The following SLAIN1 variants were observed in gnomAD, a reference collection of about 807,000 sequenced individuals.
SLAIN1 encodes the protein SLAIN motif-containing protein 1.
In SLAIN1, 17 loss-of-function variants were observed where a neutral mutation model predicts 55.4. The observed-to-expected ratio is 0.31, with a 90% CI of 0.21 to 0.46. The LOEUF is 0.46. SLAIN1 is among the 20% of genes least tolerant of loss of function. The pLI is 1.00. For missense variants in SLAIN1, 682 were observed against 785.1 expected, an observed-to-expected ratio of 0.87 and a Z score of 1.57; for synonymous variants, 348 against 337.4, an observed-to-expected ratio of 1.03 and a Z score of -0.35.
intron 2 of SLAIN1, among the ~76,000 whole-genome samples, chr13:77,736,134 A>G (rs2154410142): frequency 6.6e-6 from 1 of 152,204 alleles, no homozygotes; most frequent in South Asian, 2.1e-4. Context: ...TGACCCAGGC[A>G]GTCACTTTCA....
chr13:77,760,935 GGCA>G lies in SLAIN1; in HGVS notation c.1527_1529del (p.Ser510del). On this transcript the variant is annotated inframe_deletion, in exon 6 of 7. Transcript: ENST00000418532. ...AGCCTATGTGAGTCCAACCGTTCAA[GGCA>G]GCAGTAACATGCCTTTATCAAACGG... is the stretch of plus-strand genomic sequence containing the variant. 1 of 1,614,150 alleles carries G rather than the reference GGCA, an allele frequency of 6.2e-7. No individual in the cohort carries two copies. The highest frequency in any genetic ancestry group is 8.5e-7 in the Non-Finnish European group (1 of 1,180,024).
At chr13:77,758,623 C>T (rs773159089) in intron 5 of SLAIN1, among the ~76,000 whole-genome samples, 155 of 152,190 alleles carry the variant, frequency 1.0e-3, no homozygotes, top group Middle Eastern at 6.8e-3. Context: ...GGTAGGTATT[C>T]AGTTTCATTC....
chr13:77,744,830 T>G (rs112336562), intron 3 of SLAIN1, among the ~76,000 whole-genome samples: 8,409 of 152,180 alleles, frequency 0.055, 311 homozygotes, highest in South Asian at 0.11. Context: ...GGAATTAGCT[T>G]AGAAGGCCTT....
rs1412348673 is a variant in SLAIN1 at position 77,698,802 on chromosome 13, C to G, written c.626+263C>G. 2.2e-6 allele frequency: 3 copies of G among 1,371,670 alleles called. No homozygotes were observed. Among genetic ancestry groups the G allele is most frequent in the Non-Finnish European group, 2.9e-6 (3 of 1,031,148 alleles). 85.0% of individuals were successfully genotyped at this position (1,371,670 alleles called of 1,614,324 possible). A position where few individuals can be genotyped will look rare whatever the true frequency, so the allele number is the denominator to read the frequency against. On this transcript the variant is annotated intron_variant, in intron 1 of 6. Coordinates refer to ENST00000418532, the MANE Select transcript of SLAIN1 (RefSeq NM_001242868.2). The surrounding 1 kb of genome is among the most constrained non-coding windows in gnomAD (Gnocchi z 4.1). ...CCCTTCCCCCCATCTGCCATGGGTT[C>G]TGCTATTTGCTGATTGTTGGGTCCC...
chr13:77,702,351 C>G (rs2091039675), intron 1 of SLAIN1, among the ~76,000 whole-genome samples: 1 of 152,122 alleles, frequency 6.6e-6, no homozygotes, highest in South Asian at 2.1e-4. Flanking sequence ...GTCTGAGTAT[C>G]AGGAGCAAAT....
intron 6 of SLAIN1, among the ~76,000 whole-genome samples, chr13:77,761,981 A>AT (rs2154411137): frequency 6.6e-6 from 1 of 152,060 alleles, no homozygotes; most frequent in Admixed American, 6.5e-5. Flanking sequence ...GGAACAAGCA[A>AT]TTTTTTTCTG....
At chr13:77,749,467 G>A (rs1383452495) in intron 4 of SLAIN1, among the ~76,000 whole-genome samples, 1 of 152,104 alleles carries the variant, frequency 6.6e-6, no homozygotes, top group Non-Finnish European at 1.5e-5. Context: ...TGTGTTGCCT[G>A]GATGCCTAGA....
intron 1 of SLAIN1, among the ~76,000 whole-genome samples, chr13:77,715,680 G>A (rs186384785): frequency 4.1e-4 from 62 of 152,228 alleles, no homozygotes; most frequent in African/African-American, 1.4e-3. Context: ...TTTTTCTAAT[G>A]ATTAATGATG....
At position 77,719,595 on chromosome 13, in the gene SLAIN1, G is replaced by C. The variant is rs1258476850; in HGVS notation, c.690G>C (p.Trp230Cys). 6.2e-7 allele frequency: 1 copy of C among 1,613,464 alleles called. No homozygotes were observed. Among genetic ancestry groups the C allele is most frequent in the Admixed American group, 1.7e-5 (1 of 59,954 alleles). The change falls in exon 2 of 7, where the codon TGG becomes TGC. Residue 230 changes from tryptophan to cysteine, a missense_variant. Coordinates refer to ENST00000418532, the MANE Select transcript of SLAIN1 (RefSeq NM_001242868.2). ...SSEKSLTPLQ[W>C]CRHVLDNPTP... ...AGAAATCCCTGACTCCTTTGCAGTG[G>C]TGTAGACATGTCCTAGATAACCCAA...
Position 77,698,815 on chromosome 13 carries a change from A to T in SLAIN1, c.626+276A>T. 1 of 1,423,486 alleles carries T rather than the reference A, an allele frequency of 7.0e-7. No homozygotes were observed. Among genetic ancestry groups the T allele is most frequent in the Non-Finnish European group, 9.3e-7 (1 of 1,074,102 alleles). The allele number at this position is 1,423,486 out of a possible 1,614,324, so 88.2% of individuals were successfully genotyped here. On this transcript the variant is annotated intron_variant, in intron 1 of 6. Transcript: ENST00000418532. The surrounding 1 kb of genome is among the most constrained non-coding windows in gnomAD (Gnocchi z 4.1). ...CTGCCATGGGTTCTGCTATTTGCTG[A>T]TTGTTGGGTCCCAAGCTCCTCGTTA...
chr13:77,742,927 T>A, intron 2 of SLAIN1: 1 of 827,786 alleles, frequency 1.2e-6, no homozygotes, highest in Non-Finnish European at 1.5e-6. Context: ...GTCTTTTTTT[T>A]TTTTTTTATT....
intron 1 of SLAIN1, among the ~76,000 whole-genome samples, chr13:77,701,553 T>C (rs911188817): frequency 6.6e-6 from 1 of 152,144 alleles, no homozygotes; most frequent in Non-Finnish European, 1.5e-5. Flanking sequence ...TGGAGTGTTA[T>C]GCTCTCCCTT....
intron 1 of SLAIN1, among the ~76,000 whole-genome samples, chr13:77,714,732 G>A (rs560546232): frequency 1.3e-5 from 2 of 152,250 alleles, no homozygotes; most frequent in African/African-American, 4.8e-5. Flanking sequence ...CAATTTGATA[G>A]ACTTTAACAT....
chr13:77,751,608 C>T (rs890138838), intron 4 of SLAIN1, among the ~76,000 whole-genome samples: 1 of 152,206 alleles, frequency 6.6e-6, no homozygotes, highest in South Asian at 2.1e-4. Context: ...AGGGACCAGC[C>T]TGCTCACAGG....
rs758589382 is a variant in SLAIN1, at chr13:77,746,506, T to C, written c.917-8T>C. 6 of 1,588,866 alleles carry C rather than the reference T, an allele frequency of 3.8e-6. No homozygotes were observed. Among genetic ancestry groups the C allele is most frequent in the Non-Finnish European group, 4.3e-6 (5 of 1,163,826 alleles). ...AAATACATTAGAGTACTATTTGTTA[T>C]TTTATAGGTCTCAGGCAAGATTATG... On this transcript the variant is annotated splice_region_variant and splice_polypyrimidine_tract_variant and intron_variant, in intron 3 of 6. Transcript: ENST00000418532.
At position 77,698,086 on chromosome 13, in the gene SLAIN1, A is replaced by G; in HGVS notation, c.173A>G (p.His58Arg). ...SRAASAAAAP[H>R]LLLLPPPPPA... ...GCGGCCAGCGCGGCCGCCGCCCCGCACCTGCTGCTGCTGCCGCCGCCGCCG... is the reference window on the plus strand; with the variant it reads ...GCGGCCAGCGCGGCCGCCGCCCCGCGCCTGCTGCTGCTGCCGCCGCCGCCG... Residue 58 changes from histidine to arginine, a missense_variant, in exon 1 of 7, where the codon CAC becomes CGC. His to Arg is a conservative substitution (Grantham distance 29). Transcript: ENST00000418532. The surrounding 1 kb of genome is among the most constrained non-coding windows in gnomAD (Gnocchi z 4.1). 1.6e-6 allele frequency: 2 copies of G among 1,230,322 alleles called. No individual in the cohort carries two copies. Among genetic ancestry groups the G allele is most frequent in the Non-Finnish European group, 2.0e-6 (2 of 978,516 alleles). 76.2% of individuals were successfully genotyped at this position (1,230,322 alleles called of 1,614,324 possible).
At chr13:77,702,375 G>C (rs1226446635) in intron 1 of SLAIN1, among the ~76,000 whole-genome samples, 3 of 152,016 alleles carry the variant, frequency 2.0e-5, no homozygotes, top group African/African-American at 7.2e-5. Context: ...AAGCTCAAAG[G>C]GACTAAAATA....
At chr13:77,702,609 G>T (rs1169180404) in intron 1 of SLAIN1, among the ~76,000 whole-genome samples, 1 of 151,960 alleles carries the variant, frequency 6.6e-6, no homozygotes, top group East Asian at 1.9e-4. Flanking sequence ...GTTGAGGGAC[G>T]GGAGCTCTGA....
intron 2 of SLAIN1, among the ~76,000 whole-genome samples, chr13:77,737,925 A>G (rs571184773): frequency 6.6e-6 from 1 of 152,196 alleles, no homozygotes; most frequent in South Asian, 2.1e-4. Context: ...CTGATATGCT[A>G]TAGCCACAAT....
Sources: gnomAD v4.1 joint callset for allele counts (sites outside exome capture counted in the v4.1 genomes callset) on GRCh38, gnomAD v4.1.1 for gene constraint, Gnocchi (gnomAD v3.1) non-coding constraint, MANE v1.5 for transcripts, NCBI Gene and HGNC (gene_info 2026-07-23, HGNC 2026-07-21) for gene names.